Variants in MYO3A observed in about 807,000 individuals in gnomAD.
MYO3A encodes the protein myosin IIIA.
A neutral mutation model predicts 192.7 loss-of-function variants in MYO3A; 180 were observed. That is an observed-to-expected ratio of 0.93 (90% CI 0.83 to 1.06). The LOEUF (loss-of-function observed/expected upper bound fraction) is 1.06. Among genes scored for constraint, MYO3A ranks in the 50% least tolerant of loss-of-function variants. MYO3A has a pLI of 0.00. For missense variants in MYO3A, 1,896 were observed against 1,905.0 expected, an observed-to-expected ratio of 1.00 and a Z score of 0.09; for synonymous variants, 628 against 645.3, an observed-to-expected ratio of 0.97 and a Z score of 0.41.
In MYO3A at chr10:26,045,437, A is replaced by T. The variant is rs1445651566; in HGVS notation, c.953+18905A>T. ...AGATAATGTTCATTATGTATGTATG[A>T]AAACATGCACACATAACACAGTTCC... On this transcript the variant is annotated intron_variant, in intron 10 of 34. Transcript: ENST00000642920. Among the ~76,000 whole-genome samples the T allele has an allele frequency of 3.3e-5, 5 of 151,554 alleles. No individual in the cohort carries two copies. In the South Asian group the frequency reaches 1.0e-3, roughly 31 times the overall value.
intron 10 of MYO3A, among the ~76,000 whole-genome samples, 199 bp downstream of exon 10, chr10:26,026,731 T>G (rs1424011430): frequency 6.6e-6 from 1 of 152,222 alleles, no homozygotes; most frequent in East Asian, 1.9e-4. Flanking sequence ...AAACAGAGTC[T>G]TGCTCTGTTG....
chr10:26,174,438 A>G lies in MYO3A; in HGVS notation c.4174A>G (p.Asn1392Asp). 1 of 1,614,220 alleles carries G rather than the reference A, an allele frequency of 6.2e-7. No homozygotes were observed. Among genetic ancestry groups the G allele is most frequent in the Non-Finnish European group, 8.5e-7 (1 of 1,180,040 alleles). ...AACAGAAGTAGCAAGAAACACTCATAATTTGTATTCCTATCCCACAAAACA... is the reference window on the plus strand; with the variant it reads ...AACAGAAGTAGCAAGAAACACTCATGATTTGTATTCCTATCCCACAAAACA... ...TPTEVARNTH[N>D]LYSYPTKHEE... The change falls in exon 30 of 35, where the codon AAT becomes GAT. Residue 1392 changes from asparagine (N) to aspartate (D), a missense_variant. Coordinates refer to ENST00000642920, the MANE Select transcript of MYO3A (RefSeq NM_017433.5).
At chr10:25,967,334 A>C (rs1213330622) in intron 4 of MYO3A, among the ~76,000 whole-genome samples, 1 of 152,226 alleles carries the variant, frequency 6.6e-6, no homozygotes, top group Non-Finnish European at 1.5e-5. Flanking sequence ...CTACCAGCCA[A>C]AATGGGGAAA....
chr10:26,063,714 T>C (rs894065296), intron 10 of MYO3A, among the ~76,000 whole-genome samples: 2 of 152,114 alleles, frequency 1.3e-5, no homozygotes, highest in African/African-American at 4.8e-5. Flanking sequence ...TTGTGAAAAG[T>C]GAATAAAGTT....
intron 17 of MYO3A, among the ~76,000 whole-genome samples, chr10:26,116,767 C>A (rs1838529152): frequency 6.6e-6 from 1 of 152,092 alleles, no homozygotes; most frequent in Non-Finnish European, 1.5e-5. Flanking sequence ...TGAGATAATT[C>A]TTGTGGGGTT....
Position 25,952,242 on chromosome 10 carries a change from C to T in MYO3A, c.132C>T (p.Gly44=). 1 of 1,612,536 alleles carries T rather than the reference C, an allele frequency of 6.2e-7. No homozygotes were observed. The highest frequency in any genetic ancestry group is 8.5e-7 in the Non-Finnish European group (1 of 1,179,146). Residue 44 remains glycine (G), a synonymous_variant, in exon 3 of 35, where the codon GGC becomes GGT. Transcript: ENST00000642920. ...TTAAAGTATTGAATAAGAAAAATGG[C>T]CAAAAAGCAGCAGTCAAAATTCTTG... ...KVFKVLNKKN[G]QKAAVKILDP...
At chr10:26,205,553 T>A (rs924904882) in intron 34 of MYO3A, among the ~76,000 whole-genome samples, 1 of 150,564 alleles carries the variant, frequency 6.6e-6, no homozygotes, top group Admixed American at 6.6e-5. Context: ...TCACTTAGCA[T>A]TCTGTCCTCC....
At chr10:26,067,174 G>A (rs1834905197) in intron 11 of MYO3A, 100 bp downstream of exon 11, 2 of 788,120 alleles carry the variant, frequency 2.5e-6, no homozygotes, top group Non-Finnish European at 4.4e-6. Context: ...TATAGATTAT[G>A]ATGGTTATTA....
At chr10:25,936,802 G>A (rs1836100099) in intron 2 of MYO3A, among the ~76,000 whole-genome samples, 1 of 151,996 alleles carries the variant, frequency 6.6e-6, no homozygotes, top group Admixed American at 6.6e-5. Context: ...TTACAGTAAT[G>A]CTTTTCTAAA....
intron 4 of MYO3A, among the ~76,000 whole-genome samples, chr10:25,993,800 A>C (rs577132353): frequency 3.9e-4 from 60 of 152,162 alleles, no homozygotes; most frequent in African/African-American, 1.3e-3. Context: ...CATATTGTTC[A>C]GTTTCCATGT....
chr10:26,164,378 TCTC>T (rs79404147), intron 26 of MYO3A, among the ~76,000 whole-genome samples: 63,288 of 151,566 alleles, frequency 0.42, 13,337 homozygotes, highest in Middle Eastern at 0.52. Context: ...AGGATGAAAA[TCTC>T]CTCTGAAGGA....
At chr10:25,934,490 C>G (rs1184958046) in intron 1 of MYO3A, among the ~76,000 whole-genome samples, 162 bp downstream of exon 1, 1 of 152,042 alleles carries the variant, frequency 6.6e-6, no homozygotes, top group East Asian at 1.9e-4. Context: ...CCGCCCAGGT[C>G]AGATCCGGAG....
At chr10:26,176,884 GA>G in intron 31 of MYO3A, 39 bp downstream of exon 31, 1 of 1,601,536 alleles carries the variant, frequency 6.2e-7, no homozygotes, top group East Asian at 2.2e-5. Flanking sequence ...GAATGGGAAG[GA>G]AATGCCAGAT....
Position 26,099,084 on chromosome 10 carries a change from G to A in MYO3A, c.1776+2402G>A, listed in dbSNP as rs532171691. Among the ~76,000 whole-genome samples the A allele has an allele frequency of 1.5e-3, 226 of 151,740 alleles. 1 individual carries two copies. The highest frequency in any genetic ancestry group is 3.4e-3 in the Admixed American group (51 of 15,208). On this transcript the variant is annotated intron_variant, in intron 17 of 34. Transcript: ENST00000642920. ...CCATTTGTTTGTGTCCTCTTATTTCGTTGAGCAGTGGTTTGTAGTTCTCCT... is the reference window on the plus strand; with the variant it reads ...CCATTTGTTTGTGTCCTCTTATTTCATTGAGCAGTGGTTTGTAGTTCTCCT...
chr10:26,156,551 A>G (rs1841129401), intron 25 of MYO3A, among the ~76,000 whole-genome samples: 1 of 152,244 alleles, frequency 6.6e-6, no homozygotes. Context: ...AAATAAGAAA[A>G]TGATCAAATT....
chr10:26,085,605 G>A (rs1305942032), intron 14 of MYO3A, among the ~76,000 whole-genome samples: 1 of 152,166 alleles, frequency 6.6e-6, no homozygotes, highest in African/African-American at 2.4e-5. Context: ...GAGGCTCAGG[G>A]TGCAAGGTGC....
At chr10:26,081,106 C>CCTAGAATT (rs1296986326) in intron 14 of MYO3A, among the ~76,000 whole-genome samples, 2 of 144,292 alleles carry the variant, frequency 1.4e-5, no homozygotes, top group Non-Finnish European at 3.0e-5. Context: ...TGGGTGGGGC[C>CCTAGAATT]CTAGAATTCC....
Position 25,952,283 on chromosome 10 carries a change from G to GTCATATT in MYO3A, c.168+7_168+13dup. ...AAAATTCTTGATCCAATTCACGTAAGTCATATTTTTTCCTTCTAATTAGCT... is the reference window on the plus strand; with the variant it reads ...AAAATTCTTGATCCAATTCACGTAAGTCATATTTCATATTTTTTCCTTCTAATTAGCT... On this transcript the variant is annotated splice_donor_region_variant and intron_variant, in intron 3 of 34. Coordinates refer to ENST00000642920, the MANE Select transcript of MYO3A (RefSeq NM_017433.5). 6.2e-7 allele frequency: 1 copy of GTCATATT among 1,611,304 alleles called. No homozygotes were observed. The highest frequency in any genetic ancestry group is 8.5e-7 in the Non-Finnish European group (1 of 1,178,342).
intron 4 of MYO3A, among the ~76,000 whole-genome samples, chr10:25,966,699 A>G (rs1200691380): frequency 6.6e-6 from 1 of 152,202 alleles, no homozygotes; most frequent in African/African-American, 2.4e-5. Context: ...GGTGTCTTGG[A>G]AACTGTGGTT....
Sources: gnomAD v4.1 joint callset for allele counts (sites outside exome capture counted in the v4.1 genomes callset) on GRCh38, gnomAD v4.1.1 for gene constraint, MANE v1.5 for transcripts, NCBI Gene and HGNC (gene_info 2026-07-23, HGNC 2026-07-21) for gene names.